SORCS2: variants seen among roughly 807,000 people sequenced by gnomAD.
SORCS2 encodes VPS10 domain-containing receptor SorCS2.
In SORCS2, 100 loss-of-function variants were observed where a neutral mutation model predicts 141.6. That is an observed-to-expected ratio of 0.71 (90% CI 0.60 to 0.83). SORCS2 has a LOEUF of 0.83. Ranked by LOEUF, SORCS2 falls within the 40% of genes least tolerant of loss-of-function variation. The pLI is 0.00. For missense variants in SORCS2, 1,646 were observed against 1,560.2 expected, an observed-to-expected ratio of 1.05 and a Z score of -0.93; for synonymous variants, 789 against 676.9, an observed-to-expected ratio of 1.17 and a Z score of -2.57.
intron 3 of SORCS2, among the ~76,000 whole-genome samples, chr4:7,597,501 G>C (rs1717354844): frequency 1.4e-5 from 2 of 147,652 alleles, no homozygotes; most frequent in Non-Finnish European, 3.0e-5. Context: ...ATAGGGGAGG[G>C]GGACATGCAA....
At chr4:7,713,185 C>G (rs1293035274) in intron 15 of SORCS2, among the ~76,000 whole-genome samples, 1 of 152,132 alleles carries the variant, frequency 6.6e-6, no homozygotes, top group Non-Finnish European at 1.5e-5. Context: ...AGGCCTGTAC[C>G]ATACATGACA....
At chr4:7,502,038 A>G (rs1323048012) in intron 2 of SORCS2, among the ~76,000 whole-genome samples, 1 of 152,088 alleles carries the variant, frequency 6.6e-6, no homozygotes, top group African/African-American at 2.4e-5. Context: ...TCTCTGTTCA[A>G]CCAAGGCTTC....
chr4:7,313,519 G>A (rs1374475099), intron 1 of SORCS2, among the ~76,000 whole-genome samples: 7 of 152,322 alleles, frequency 4.6e-5, no homozygotes, highest in African/African-American at 1.4e-4. Context: ...GGGAGAGGGT[G>A]TTCCAGGCAC....
chr4:7,499,604 A>G (rs1192257420), intron 2 of SORCS2, among the ~76,000 whole-genome samples: 1 of 152,060 alleles, frequency 6.6e-6, no homozygotes, highest in Non-Finnish European at 1.5e-5. Flanking sequence ...GAGACAGGCC[A>G]TGGGGCTGGG....
At position 7,267,356 on chromosome 4, in the gene SORCS2, G is replaced by A. The variant is rs576960609; in HGVS notation, c.480+74230G>A. On this transcript the variant is annotated intron_variant, in intron 1 of 26. Coordinates refer to ENST00000507866, the MANE Select transcript of SORCS2 (RefSeq NM_020777.3). The stretch of plus-strand genomic sequence containing the variant: ...CCTGGGAGATCCTGGAGAAACCCCC[G>A]TGGTGGTAGAGTAAGGACTTGCCGC... Among the ~76,000 whole-genome samples the A allele has an allele frequency of 9.8e-5, 15 of 152,308 alleles. No homozygotes were observed. The East Asian group carries it at 1.9e-3, about 20-fold the overall frequency.
intron 12 of SORCS2, among the ~76,000 whole-genome samples, chr4:7,702,527 C>G (rs1725152708): frequency 6.6e-6 from 1 of 152,160 alleles, no homozygotes; most frequent in Non-Finnish European, 1.5e-5. Flanking sequence ...GTTTGCCAAG[C>G]GAGGCCACCC....
intron 10 of SORCS2, among the ~76,000 whole-genome samples, chr4:7,687,129 C>A (rs1011959841): frequency 9.2e-5 from 14 of 152,232 alleles, no homozygotes; most frequent in African/African-American, 3.1e-4. Flanking sequence ...CGGAGACCAA[C>A]CCATGAGCTC....
At chr4:7,723,283 T>C (rs927051732) in intron 18 of SORCS2, among the ~76,000 whole-genome samples, 1 of 152,120 alleles carries the variant, frequency 6.6e-6, no homozygotes. Flanking sequence ...CTTCCAGATG[T>C]GTTCCTCTCC....
At chr4:7,314,800 GTTTTT>G (rs397880294) in intron 1 of SORCS2, among the ~76,000 whole-genome samples, 11,037 of 110,048 alleles carry the variant, frequency 0.1, 876 homozygotes, top group African/African-American at 0.27. Flanking sequence ...CCACTGTTCT[GTTTTT>G]TTTTTTTTTT....
intron 1 of SORCS2, among the ~76,000 whole-genome samples, chr4:7,285,284 C>T (rs549620633): frequency 7.2e-5 from 11 of 152,298 alleles, no homozygotes; most frequent in Admixed American, 1.3e-4. Flanking sequence ...CCACCCACCT[C>T]GGCCTCCCAA....
chr4:7,282,442 G>A (rs1216460296), intron 1 of SORCS2, among the ~76,000 whole-genome samples: 3 of 152,190 alleles, frequency 2.0e-5, no homozygotes, highest in Admixed American at 2.0e-4. Context: ...AAAGAACTCA[G>A]GATCACAGGG....
chr4:7,698,104 C>T (rs1420861687), intron 12 of SORCS2, among the ~76,000 whole-genome samples: 1 of 152,180 alleles, frequency 6.6e-6, no homozygotes, highest in African/African-American at 2.4e-5. Flanking sequence ...CAGGAGGGGG[C>T]ACCGCCTCAC....
chr4:7,325,875 G>A (rs887768251), intron 1 of SORCS2, among the ~76,000 whole-genome samples: 1 of 152,192 alleles, frequency 6.6e-6, no homozygotes, highest in Non-Finnish European at 1.5e-5. Context: ...ATAACCCAGC[G>A]GGATCCATGC....
chr4:7,431,433 G>A (rs34241247), intron 2 of SORCS2: 52,060 of 152,160 alleles, frequency 0.34, 9,070 homozygotes, highest in Middle Eastern at 0.38. Context: ...CATACTTCCC[G>A]GTAGGCATCC....
At chr4:7,403,997 A>ATATATT (rs1265288820) in intron 2 of SORCS2, among the ~76,000 whole-genome samples, 12 of 18,966 alleles carry the variant, frequency 6.3e-4, no homozygotes, top group Admixed American at 1.1e-3. Flanking sequence ...ATATATATAT[A>ATATATT]TTTTTTTTTT....
intron 2 of SORCS2, among the ~76,000 whole-genome samples, chr4:7,497,989 G>C (rs1731735053): frequency 6.6e-6 from 1 of 152,266 alleles, no homozygotes; most frequent in Non-Finnish European, 1.5e-5. Context: ...GAAGGTGCTG[G>C]TGCCCACAGC....
At chr4:7,349,304 G>T (rs1308399232) in intron 1 of SORCS2, among the ~76,000 whole-genome samples, 1 of 152,192 alleles carries the variant, frequency 6.6e-6, no homozygotes, top group Non-Finnish European at 1.5e-5. Context: ...CTGGACGGCT[G>T]CAGGTCAGTC....
Position 7,741,105 on chromosome 4 carries a change from AC to A in SORCS2, c.*843del. Reference sequence around the variant, plus strand: ...TCTCCCACCTGATGGCTGTTCTCCCACCGGGTCTGGGCTCTGGAAGGAGCCA... The same window carrying A: ...TCTCCCACCTGATGGCTGTTCTCCCACGGGTCTGGGCTCTGGAAGGAGCCA... On this transcript the variant is annotated 3_prime_UTR_variant, in exon 27 of 27. Transcript: ENST00000507866. 2 of 398,536 alleles carry A rather than the reference AC, an allele frequency of 5.0e-6. No homozygotes were observed. Among genetic ancestry groups the A allele is most frequent in the Non-Finnish European group, 8.8e-6 (2 of 226,134 alleles). 24.7% of individuals were successfully genotyped at this position (398,536 alleles called of 1,614,324 possible).
intron 13 of SORCS2, 137 bp from the exon 14 acceptor site, chr4:7,704,040 G>A (rs781548727): frequency 2.5e-4 from 178 of 706,732 alleles, no homozygotes; most frequent in Non-Finnish European, 4.3e-4. Flanking sequence ...TGTGACATAA[G>A]CAGATGTGGT....
Sources: gnomAD v4.1 joint callset for allele counts (sites outside exome capture counted in the v4.1 genomes callset) on GRCh38, gnomAD v4.1.1 for gene constraint, MANE v1.5 for transcripts, NCBI Gene and HGNC (gene_info 2026-07-23, HGNC 2026-07-21) for gene names.